STAM: variants seen among roughly 807,000 people sequenced by gnomAD.
STAM encodes signal transducing adaptor molecule.
A neutral mutation model predicts 63.4 loss-of-function variants in STAM; 16 were observed. The ratio of observed to expected loss-of-function variants is 0.25; its 90% confidence interval spans 0.17 to 0.38. STAM has a LOEUF of 0.38. Ranked by LOEUF, STAM falls within the 10% of genes least tolerant of loss-of-function variation. STAM has a pLI of 1.00. For missense variants in STAM, 636 were observed against 657.1 expected, an observed-to-expected ratio of 0.97 and a Z score of 0.35; for synonymous variants, 238 against 223.9, an observed-to-expected ratio of 1.06 and a Z score of -0.56.
chr10:17,692,108 C>T (rs1443683238), intron 5 of STAM, among the ~76,000 whole-genome samples: 2 of 152,102 alleles, frequency 1.3e-5, no homozygotes, highest in Non-Finnish European at 2.9e-5. Context: ...GTGCTATTAT[C>T]GTAGTCATTT....
At chr10:17,655,348 G>T (rs4748395) in intron 1 of STAM, among the ~76,000 whole-genome samples, 13,489 of 152,128 alleles carry the variant, frequency 0.089, 630 homozygotes, top group Middle Eastern at 0.13. Context: ...CTTATGCAAG[G>T]AATTAATCTG....
At chr10:17,682,097 A>T (rs977617487) in intron 2 of STAM, among the ~76,000 whole-genome samples, 1 of 152,330 alleles carries the variant, frequency 6.6e-6, no homozygotes, top group Non-Finnish European at 1.5e-5. Flanking sequence ...TGACAAATAT[A>T]TATACCTATA....
chr10:17,716,335 C>T lies in STAM; in HGVS notation c.*1555C>T, dbSNP rs1337580540. Among the ~76,000 whole-genome samples, 1 of 151,396 alleles carries T rather than the reference C, an allele frequency of 6.6e-6. No individual in the cohort carries two copies. The highest frequency in any genetic ancestry group is 2.4e-5 in the African/African-American group (1 of 41,224). On this transcript the variant is annotated 3_prime_UTR_variant, in exon 14 of 14. Transcript: ENST00000377524. The stretch of plus-strand genomic sequence containing the variant: ...TTAAGGGTGACTAATTTCACAGACT[C>T]AGATTTAAAGCACCGTAGTTTTAAA...
At chr10:17,691,282 G>T (rs1207856680) in intron 5 of STAM, among the ~76,000 whole-genome samples, 1 of 152,158 alleles carries the variant, frequency 6.6e-6, no homozygotes, top group African/African-American at 2.4e-5. Flanking sequence ...ACTTTGGGAG[G>T]CCGAGGCGGG....
intron 11 of STAM, among the ~76,000 whole-genome samples, 191 bp downstream of exon 11, chr10:17,705,215 C>T (rs183130793): frequency 6.6e-6 from 1 of 152,198 alleles, no homozygotes; most frequent in African/African-American, 2.4e-5. Flanking sequence ...ATTTGATCGA[C>T]CTTTGCAATA....
At chr10:17,692,968 T>C (rs1008599564) in intron 5 of STAM, among the ~76,000 whole-genome samples, 9 of 152,142 alleles carry the variant, frequency 5.9e-5, no homozygotes, top group Non-Finnish European at 1.3e-4. Flanking sequence ...CCATATGCTT[T>C]TAGTTGAACC....
chr10:17,708,349 A>G lies in STAM; in HGVS notation c.1210-427A>G, dbSNP rs561245111. 2.6e-5 allele frequency among the ~76,000 whole-genome samples: 4 copies of G among 152,318 alleles called. No individual in the cohort carries two copies. The South Asian group carries it at 8.3e-4, about 32-fold the overall frequency. On this transcript the variant is annotated intron_variant, in intron 12 of 13. Transcript: ENST00000377524. ...CTGCTTTAGAAAGTTAGCTTGCTCT[A>G]TTGTTCAATAAACTGCAGTTTAGGA...
chr10:17,714,998 C>T lies in STAM; in HGVS notation c.*218C>T, dbSNP rs1836751947. ...TGCAGAGGAATGAAACTACTTACAACATTTAATTCCTTTCATAATATGAAA... is the reference window on the plus strand; with the variant it reads ...TGCAGAGGAATGAAACTACTTACAATATTTAATTCCTTTCATAATATGAAA... On this transcript the variant is annotated 3_prime_UTR_variant, in exon 14 of 14. Transcript: ENST00000377524. The T allele has an allele frequency of 2.9e-5, 16 of 543,324 alleles. No homozygotes were observed. The South Asian group carries it at 3.4e-4, about 12-fold the overall frequency. The allele number at this position is 543,324 out of a possible 1,614,324, so 33.7% of individuals were successfully genotyped here.
intron 13 of STAM, among the ~76,000 whole-genome samples, chr10:17,713,852 C>CA (rs1836674838): frequency 1.3e-5 from 2 of 152,036 alleles, no homozygotes; most frequent in Admixed American, 1.3e-4. Context: ...CTGTCTCACT[C>CA]AGAGTGTAAG....
intron 4 of STAM, among the ~76,000 whole-genome samples, chr10:17,685,975 G>A (rs1835277552): frequency 1.3e-5 from 2 of 152,104 alleles, no homozygotes; most frequent in Admixed American, 1.3e-4. Flanking sequence ...TGTTAAAAGG[G>A]AAAATGCCTC....
rs1835712334 is a variant in STAM at position 17,695,333 on chromosome 10, A to G, written c.728+92A>G. 4.2e-6 allele frequency: 5 copies of G among 1,198,994 alleles called. No homozygotes were observed. In the African/African-American group the frequency reaches 4.6e-5, roughly 11 times the overall value. 74.3% of individuals were successfully genotyped at this position (1,198,994 alleles called of 1,614,324 possible). ...CTGTTGATTGCAGTTACCAAATACA[A>G]TAATAAATATTGACCCAGATGCTGC... is the stretch of plus-strand genomic sequence containing the variant. On this transcript the variant is annotated intron_variant, in intron 7 of 13. Coordinates refer to ENST00000377524, the MANE Select transcript of STAM (RefSeq NM_003473.4).
rs1053608843 is a variant in STAM at position 17,709,929 on chromosome 10, T to A, written c.1385+978T>A. ...GGCATTCCCTAGTGGGTTCTGTATC[T>A]TAGAAAAAAGTGTTAAGTGTAGCTT... On this transcript the variant is annotated intron_variant, in intron 13 of 13. Transcript: ENST00000377524. 2.0e-5 allele frequency among the ~76,000 whole-genome samples: 3 copies of A among 150,384 alleles called. No homozygotes were observed. In the Admixed American group the frequency reaches 2.0e-4, roughly 10 times the overall value.
intron 5 of STAM, among the ~76,000 whole-genome samples, chr10:17,691,483 A>T (rs1554826779): frequency 1.3e-5 from 2 of 152,086 alleles, no homozygotes; most frequent in Non-Finnish European, 2.9e-5. Flanking sequence ...TCGCCACTGT[A>T]CTCCAGCCTG....
chr10:17,682,933 T>G (rs1835146522), intron 2 of STAM, among the ~76,000 whole-genome samples: 1 of 152,252 alleles, frequency 6.6e-6, no homozygotes, highest in Non-Finnish European at 1.5e-5. Context: ...CATGCACATT[T>G]AGAATTATGT....
At chr10:17,693,198 T>TA (rs781830434) in intron 5 of STAM, 24 bp from the exon 6 acceptor site, 8 of 1,607,250 alleles carry the variant, frequency 5.0e-6, no homozygotes, top group Non-Finnish European at 6.8e-6. Context: ...AACCCTCAAA[T>TA]ACTGTGTTCC....
At chr10:17,678,367 G>A (rs1306985335) in intron 2 of STAM, among the ~76,000 whole-genome samples, 3 of 151,972 alleles carry the variant, frequency 2.0e-5, no homozygotes, top group Non-Finnish European at 4.4e-5. Context: ...CGATTCTCCT[G>A]CCTCAGCCTC....
At chr10:17,695,349 C>A in intron 7 of STAM, 108 bp downstream of exon 7, 1 of 1,041,986 alleles carries the variant, frequency 9.6e-7, no homozygotes, top group Non-Finnish European at 1.4e-6. Context: ...AATATTGACC[C>A]AGATGCTGCT....
chr10:17,646,474 A>C (rs1204867882), intron 1 of STAM, among the ~76,000 whole-genome samples: 1 of 152,210 alleles, frequency 6.6e-6, no homozygotes, highest in Non-Finnish European at 1.5e-5. Context: ...TTACCGAATT[A>C]TTTAGCATTC....
At chr10:17,709,007 C>G in intron 13 of STAM, 56 bp downstream of exon 13, 1 of 1,548,232 alleles carries the variant, frequency 6.5e-7, no homozygotes, top group South Asian at 1.2e-5. Flanking sequence ...TGTTTAAGTG[C>G]CCCCAGTTAT....
Sources: allele counts gnomAD v4.1 joint callset (sites outside exome capture counted in the v4.1 genomes callset), GRCh38; gene constraint gnomAD v4.1.1; transcripts MANE v1.5; gene names NCBI Gene and HGNC (gene_info 2026-07-23, HGNC 2026-07-21).